SUPT3H: variants seen among roughly 807,000 people sequenced by gnomAD.
The protein encoded by SUPT3H is transcription initiation protein SPT3 homolog.
SUPT3H carries 44 observed loss-of-function variants against 44.3 expected under a neutral mutation model. The observed-to-expected ratio is 0.99, with a 90% confidence interval of 0.78 to 1.28. The LOEUF is 1.28. Among genes scored for constraint, SUPT3H ranks in the 50% most tolerant of loss-of-function variants. The pLI is 0.00. For missense variants in SUPT3H, 380 were observed against 387.1 expected (o/e 0.98, Z 0.15); for synonymous variants, 124 against 125.6 (o/e 0.99, Z 0.09).
intron 2 of SUPT3H, among the ~76,000 whole-genome samples, chr6:45,361,050 G>A (rs1271250934): frequency 6.6e-6 from 1 of 152,128 alleles, no homozygotes; most frequent in African/African-American, 2.4e-5. Context: ...GGGCAGGAGG[G>A]TCACTTGTGC....
chr6:45,008,885 A>C (rs1158194922), intron 5 of SUPT3H, among the ~76,000 whole-genome samples: 1 of 152,014 alleles, frequency 6.6e-6, no homozygotes, highest in Non-Finnish European at 1.5e-5. Flanking sequence ...GATTACAGGC[A>C]CACACCACTA....
At chr6:44,885,778 C>T (rs560532220) in intron 10 of SUPT3H, among the ~76,000 whole-genome samples, 15 of 152,034 alleles carry the variant, frequency 9.9e-5, no homozygotes, top group African/African-American at 1.9e-4. Context: ...ATGACTTTGA[C>T]GAGTTGAGAG....
intron 2 of SUPT3H, among the ~76,000 whole-genome samples, chr6:45,258,943 T>A (rs1443569324): frequency 6.6e-6 from 1 of 152,180 alleles, no homozygotes; most frequent in Non-Finnish European, 1.5e-5. Context: ...GATAAGCTTG[T>A]CTTAAAAATG....
chr6:45,285,773 C>A (rs1779128821), intron 2 of SUPT3H, among the ~76,000 whole-genome samples: 1 of 152,074 alleles, frequency 6.6e-6, no homozygotes. Context: ...CAAAAAAGAG[C>A]CTGCATTGCC....
At chr6:45,152,394 A>G (rs1231344364) in intron 2 of SUPT3H, among the ~76,000 whole-genome samples, 1 of 152,078 alleles carries the variant, frequency 6.6e-6, no homozygotes, top group Non-Finnish European at 1.5e-5. Flanking sequence ...AGCTGCTATC[A>G]TCTCTAGCCT....
intron 2 of SUPT3H, among the ~76,000 whole-genome samples, chr6:45,350,938 T>A (rs1791878260): frequency 6.6e-6 from 1 of 152,076 alleles, no homozygotes; most frequent in South Asian, 2.1e-4. Context: ...CAGCTCTACC[T>A]CGTGTCAGAT....
chr6:45,318,047 T>C (rs539796859), intron 2 of SUPT3H, among the ~76,000 whole-genome samples: 51 of 152,204 alleles, frequency 3.4e-4, no homozygotes, highest in African/African-American at 1.0e-3. Flanking sequence ...CCCTCAGGAA[T>C]AGATTAACAC....
intron 10 of SUPT3H, among the ~76,000 whole-genome samples, chr6:44,932,044 C>CT (rs1040383167): frequency 6.6e-6 from 1 of 151,852 alleles, no homozygotes; most frequent in African/African-American, 2.4e-5. Flanking sequence ...CAAATAAGAT[C>CT]TTTTTTTTAA....
At chr6:45,037,344 A>C (rs1354991419) in intron 3 of SUPT3H, among the ~76,000 whole-genome samples, 1 of 151,988 alleles carries the variant, frequency 6.6e-6, no homozygotes, top group Non-Finnish European at 1.5e-5. Flanking sequence ...GTAGATGAAC[A>C]TAATGATAAG....
At chr6:45,203,751 TCA>T (rs1762771517) in intron 2 of SUPT3H, among the ~76,000 whole-genome samples, 1 of 152,202 alleles carries the variant, frequency 6.6e-6, no homozygotes, top group Admixed American at 6.6e-5. Context: ...AGGACTTCTC[TCA>T]GTTTTTCATA....
At chr6:45,237,007 A>C (rs1769292528) in intron 2 of SUPT3H, among the ~76,000 whole-genome samples, 1 of 152,162 alleles carries the variant, frequency 6.6e-6, no homozygotes, top group Non-Finnish European at 1.5e-5. Context: ...TCAGATTGTT[A>C]TATCTACTTC....
At chr6:44,884,724 T>A (rs920085743) in intron 10 of SUPT3H, among the ~76,000 whole-genome samples, 2 of 152,010 alleles carry the variant, frequency 1.3e-5, no homozygotes, top group Non-Finnish European at 2.9e-5. Context: ...CTATCTGAGG[T>A]ACCGGGTTCA....
intron 2 of SUPT3H, among the ~76,000 whole-genome samples, chr6:45,179,362 T>A (rs1316596427): frequency 6.6e-6 from 1 of 152,120 alleles, no homozygotes; most frequent in African/African-American, 2.4e-5. Flanking sequence ...GAGGGAATCC[T>A]CCCTAACTCA....
At chr6:44,840,804 C>A (rs969383197) in intron 10 of SUPT3H, among the ~76,000 whole-genome samples, 2 of 152,180 alleles carry the variant, frequency 1.3e-5, no homozygotes, top group African/African-American at 4.8e-5. Flanking sequence ...CTCTTAGAAG[C>A]CCTTTAGCCA....
chr6:45,150,448 TCTA>T (rs1411030795), intron 2 of SUPT3H, among the ~76,000 whole-genome samples: 2 of 151,922 alleles, frequency 1.3e-5, no homozygotes, highest in Admixed American at 1.3e-4. Context: ...ACTTAAAGAG[TCTA>T]CTAAAACACA....
chr6:45,259,620 G>A (rs1407659698), intron 2 of SUPT3H, among the ~76,000 whole-genome samples: 2 of 143,678 alleles, frequency 1.4e-5, no homozygotes, highest in South Asian at 2.2e-4. Flanking sequence ...ATCCTGATTA[G>A]TATAGAAGTA....
In SUPT3H at chr6:45,296,595, G is replaced by A. The variant is rs1330229250; in HGVS notation, c.101+68606C>T. ...CTCTACTAAAAATATAAAAATTAGC[G>A]AGGCGTGGTGGCACATGCCTGTAAT... On this transcript the variant is annotated intron_variant, in intron 2 of 10. Transcript: ENST00000371459. Among the ~76,000 whole-genome samples, 4 of 151,102 alleles carry A rather than the reference G, an allele frequency of 2.6e-5. No individual in the cohort carries two copies. The East Asian group carries it at 5.8e-4, about 22-fold the overall frequency.
chr6:45,061,301 A>G (rs1475114449), intron 3 of SUPT3H, among the ~76,000 whole-genome samples: 1 of 152,206 alleles, frequency 6.6e-6, no homozygotes, highest in Non-Finnish European at 1.5e-5. Flanking sequence ...TTGCAGGGAC[A>G]TAGATGGAGC....
chr6:44,862,622 G>A (rs1190778848), intron 10 of SUPT3H, among the ~76,000 whole-genome samples: 2 of 149,646 alleles, frequency 1.3e-5, no homozygotes, highest in East Asian at 2.0e-4. Context: ...AGGTTGCAGC[G>A]AGCCAAGATT....
Sources: gnomAD v4.1 joint callset for allele counts (sites outside exome capture counted in the v4.1 genomes callset) on GRCh38, gnomAD v4.1.1 for gene constraint, MANE v1.5 for transcripts, NCBI Gene and HGNC (gene_info 2026-07-23, HGNC 2026-07-21) for gene names.